ACSS3: variants seen among roughly 807,000 people sequenced by gnomAD.
ACSS3 encodes acyl-CoA synthetase short-chain family member 3, mitochondrial.
In ACSS3, 64 loss-of-function variants were observed where a neutral mutation model predicts 84.2. The observed-to-expected ratio is 0.76, with a 90% CI of 0.62 to 0.94. The LOEUF (loss-of-function observed/expected upper bound fraction) is 0.94, where lower values mean the gene tolerates loss of function less well. Among genes scored for constraint, ACSS3 ranks in the 40% least tolerant of loss-of-function variants. The pLI is 0.00. For missense variants in ACSS3, 815 were observed against 867.6 expected, an observed-to-expected ratio of 0.94 and a Z score of 0.76; for synonymous variants, 317 against 310.1, an observed-to-expected ratio of 1.02 and a Z score of -0.23.
chr12:81,173,079 A>C (rs2030201517), intron 7 of ACSS3, among the ~76,000 whole-genome samples: 1 of 152,208 alleles, frequency 6.6e-6, no homozygotes, highest in East Asian at 1.9e-4. Flanking sequence ...CACTTGGGTG[A>C]GATCACGTTT....
chr12:81,231,163 ATCT>A (rs1403714656), intron 12 of ACSS3, 25 bp downstream of exon 12: 10 of 1,531,340 alleles, frequency 6.5e-6, no homozygotes, highest in Non-Finnish European at 9.0e-6. Context: ...ATGCTTTTTT[ATCT>A]TCTTATGTAC....
intron 7 of ACSS3, among the ~76,000 whole-genome samples, chr12:81,168,742 C>A (rs1593153296): frequency 6.6e-6 from 1 of 152,086 alleles, no homozygotes; most frequent in Non-Finnish European, 1.5e-5. Context: ...AGTAATTTCC[C>A]CTGTATATGG....
chr12:81,214,766 T>C (rs1470669843), intron 9 of ACSS3, among the ~76,000 whole-genome samples: 1 of 152,180 alleles, frequency 6.6e-6, no homozygotes, highest in Non-Finnish European at 1.5e-5. Flanking sequence ...ACGTCTTTCA[T>C]GAGAATCCAC....
intron 5 of ACSS3, among the ~76,000 whole-genome samples, chr12:81,145,263 A>G (rs1886286661): frequency 6.6e-6 from 1 of 151,784 alleles, no homozygotes; most frequent in Non-Finnish European, 1.5e-5. Flanking sequence ...CAATGCCTAA[A>G]TGGAAGATCC....
intron 2 of ACSS3, among the ~76,000 whole-genome samples, chr12:81,129,407 CT>C (rs1885337856): frequency 6.6e-6 from 1 of 152,122 alleles, no homozygotes; most frequent in Non-Finnish European, 1.5e-5. Context: ...GGCTGATCAT[CT>C]GGTTCAATTG....
intron 13 of ACSS3, among the ~76,000 whole-genome samples, chr12:81,239,221 T>G (rs984220607): frequency 1.3e-5 from 2 of 151,980 alleles, no homozygotes; most frequent in African/African-American, 4.8e-5. Flanking sequence ...GAACAGATGT[T>G]GTATGATTTA....
intron 8 of ACSS3, among the ~76,000 whole-genome samples, chr12:81,180,101 C>A (rs1226266057): frequency 6.6e-6 from 1 of 152,048 alleles, no homozygotes; most frequent in African/African-American, 2.4e-5. Context: ...GAGGTGTAGA[C>A]CATTATCCTA....
At chr12:81,110,549 A>G (rs2121513075) in intron 2 of ACSS3, among the ~76,000 whole-genome samples, 1 of 152,326 alleles carries the variant, frequency 6.6e-6, no homozygotes, top group Middle Eastern at 3.4e-3. Context: ...TTTACTAAAA[A>G]TGATTTAAAG....
chr12:81,099,486 A>G (rs1882331885), intron 1 of ACSS3, among the ~76,000 whole-genome samples: 1 of 152,228 alleles, frequency 6.6e-6, no homozygotes, highest in Non-Finnish European at 1.5e-5. Flanking sequence ...GGAAGCTTTC[A>G]ACAGTTATTT....
intron 9 of ACSS3, among the ~76,000 whole-genome samples, chr12:81,200,159 C>T (rs1375765687): frequency 1.3e-5 from 2 of 152,186 alleles, no homozygotes; most frequent in African/African-American, 4.8e-5. Context: ...AACAATAACT[C>T]TATCTGCTGC....
chr12:81,200,462 G>A (rs2032048310), intron 9 of ACSS3, among the ~76,000 whole-genome samples: 1 of 152,158 alleles, frequency 6.6e-6, no homozygotes, highest in Non-Finnish European at 1.5e-5. Flanking sequence ...AATTAGCTCT[G>A]ATTGTAAAAA....
At chr12:81,219,930 T>G (rs1381085191) in intron 10 of ACSS3, 83 bp from the exon 11 acceptor site, 1 of 895,794 alleles carries the variant, frequency 1.1e-6, no homozygotes, top group Non-Finnish European at 1.6e-6. Context: ...TAGAGCTTTT[T>G]GGGTTGAATA....
intron 15 of ACSS3, among the ~76,000 whole-genome samples, chr12:81,254,209 C>T (rs148437747): frequency 4.6e-5 from 7 of 152,226 alleles, no homozygotes; most frequent in African/African-American, 1.4e-4. Context: ...GGATTACACG[C>T]CTGAGCCACT....
chr12:81,186,625 T>C (rs139442288), intron 8 of ACSS3, among the ~76,000 whole-genome samples: 383 of 151,944 alleles, frequency 2.5e-3, no homozygotes, highest in African/African-American at 9.0e-3. Flanking sequence ...ACATCATTAA[T>C]TATCAGGGTA....
chr12:81,100,367 C>T (rs1181310428), intron 1 of ACSS3, among the ~76,000 whole-genome samples: 1 of 152,014 alleles, frequency 6.6e-6, no homozygotes, highest in Non-Finnish European at 1.5e-5. Flanking sequence ...ATCTTCTTTA[C>T]AGATCGCTTT....
intron 8 of ACSS3, among the ~76,000 whole-genome samples, chr12:81,183,163 T>TTAGC (rs1406923023): frequency 3.4e-4 from 52 of 152,348 alleles, no homozygotes; most frequent in African/African-American, 1.2e-3. Flanking sequence ...TTTCCCCGTG[T>TTAGC]TAGCACAGAC....
At chr12:81,176,903 T>A (rs1016647355) in intron 8 of ACSS3, among the ~76,000 whole-genome samples, 1 of 152,036 alleles carries the variant, frequency 6.6e-6, no homozygotes, top group East Asian at 1.9e-4. Flanking sequence ...TGAACATAGA[T>A]GCAAAAATTC....
At chr12:81,100,468 CTATT>C (rs1048286659) in intron 1 of ACSS3, among the ~76,000 whole-genome samples, 1 of 152,204 alleles carries the variant, frequency 6.6e-6, no homozygotes, top group South Asian at 2.1e-4. Flanking sequence ...TCTGTAGTGA[CTATT>C]TATTTACAGG....
rs559410706 is a variant in ACSS3, at chr12:81,190,555, GA to G, written c.1251-8782del. ...TTATGTACAGAGTCATGTAGTTTGA[GA>G]AAAGTATCAATTTTATTTCTTCTTT... On this transcript the variant is annotated intron_variant, in intron 8 of 15. Coordinates refer to ENST00000548058, the MANE Select transcript of ACSS3 (RefSeq NM_024560.4). 5.9e-5 allele frequency among the ~76,000 whole-genome samples: 9 copies of G among 152,042 alleles called. No individual in the cohort carries two copies. The South Asian group carries it at 1.9e-3, about 32-fold the overall frequency.
Sources: gnomAD v4.1 joint callset for allele counts (sites outside exome capture counted in the v4.1 genomes callset) on GRCh38, gnomAD v4.1.1 for gene constraint, MANE v1.5 for transcripts, NCBI Gene and HGNC (gene_info 2026-07-23, HGNC 2026-07-21) for gene names.